FRMD3: variants seen among roughly 807,000 people sequenced by gnomAD.
The protein encoded by FRMD3 is FERM domain containing 3, also known as FERM domain-containing protein 3.
A neutral mutation model predicts 70.2 loss-of-function variants in FRMD3; 33 were observed. The observed-to-expected ratio is 0.47, with a 90% CI of 0.36 to 0.63. The LOEUF is 0.63. Ranked by LOEUF, FRMD3 falls within the 20% of genes least tolerant of loss-of-function variation. FRMD3 has a pLI of 0.00. For synonymous variants in FRMD3, 279 were observed against 255.9 expected, an observed-to-expected ratio of 1.09 and a Z score of -0.86; for missense variants, 632 against 711.4, an observed-to-expected ratio of 0.89 and a Z score of 1.27.
intron 1 of FRMD3, among the ~76,000 whole-genome samples, chr9:83,434,900 C>A (rs968261037): frequency 1.4e-5 from 2 of 145,136 alleles, no homozygotes; most frequent in Non-Finnish European, 3.0e-5. Context: ...GATCTCGGCT[C>A]ACTGCAGCCT....
intron 10 of FRMD3, among the ~76,000 whole-genome samples, chr9:83,305,874 C>T (rs1835111796): frequency 6.6e-6 from 1 of 152,202 alleles, no homozygotes. Flanking sequence ...CTAAACCCTC[C>T]AAGTCTTCTG....
intron 13 of FRMD3, among the ~76,000 whole-genome samples, chr9:83,264,503 A>G (rs1420656156): frequency 6.6e-6 from 1 of 152,198 alleles, no homozygotes; most frequent in Admixed American, 6.5e-5. Flanking sequence ...AAGTGTAACA[A>G]ATGTACTTCT....
At chr9:83,348,544 G>T (rs1457621999) in intron 4 of FRMD3, among the ~76,000 whole-genome samples, 1 of 152,116 alleles carries the variant, frequency 6.6e-6, no homozygotes, top group Non-Finnish European at 1.5e-5. Flanking sequence ...GAATTAGATG[G>T]TGGGGAGGGT....
chr9:83,538,769 C>A (rs1190216483), upstream of FRMD3, among the ~76,000 whole-genome samples: 1 of 152,158 alleles, frequency 6.6e-6, no homozygotes, highest in Non-Finnish European at 1.5e-5. This position sits in a 1 kb window ranked among gnomAD's most constrained non-coding sequence, Gnocchi z 4.7. Context: ...CCAACGCGCT[C>A]GACAGCGCCC....
At chr9:83,490,225 T>C in intron 1 of FRMD3, among the ~76,000 whole-genome samples, 1 of 152,172 alleles carries the variant, frequency 6.6e-6, no homozygotes, top group East Asian at 1.9e-4. Flanking sequence ...CTGGGGATGG[T>C]TGCAATGGAA....
chr9:83,434,819 C>CCCTTTTT (rs1827086409), intron 1 of FRMD3, among the ~76,000 whole-genome samples: 1 of 74,878 alleles, frequency 1.3e-5, no homozygotes, highest in Non-Finnish European at 2.3e-5. Context: ...CACCCCTCTG[C>CCCTTTTT]TTTTTTTTTT....
chr9:83,382,533 G>T (rs1446291398), intron 2 of FRMD3, among the ~76,000 whole-genome samples: 1 of 152,192 alleles, frequency 6.6e-6, no homozygotes, highest in Non-Finnish European at 1.5e-5. Flanking sequence ...CAACCAGCAG[G>T]TGGCAGAGAT....
At chr9:83,488,305 T>C (rs75361735) in intron 1 of FRMD3, among the ~76,000 whole-genome samples, 5,941 of 152,310 alleles carry the variant, frequency 0.039, 171 homozygotes, top group Middle Eastern at 0.082. Context: ...AGGACAAAAA[T>C]ATAAGCATTT....
chr9:83,335,674 G>T (rs775033024), intron 5 of FRMD3, 35 bp from the exon 6 acceptor site: 1 of 1,597,254 alleles, frequency 6.3e-7, no homozygotes, highest in Middle Eastern at 1.7e-4. Context: ...GACAGAGAAA[G>T]ATTAAAAACA....
At chr9:83,464,180 G>A (rs749302341) in intron 1 of FRMD3, among the ~76,000 whole-genome samples, 17 of 152,202 alleles carry the variant, frequency 1.1e-4, no homozygotes, top group Non-Finnish European at 1.9e-4. Context: ...TGTTAATGCT[G>A]ACGGTAAGCC....
At chr9:83,529,291 T>C (rs1440717251) in intron 1 of FRMD3, among the ~76,000 whole-genome samples, 1 of 152,210 alleles carries the variant, frequency 6.6e-6, no homozygotes, top group Non-Finnish European at 1.5e-5. Flanking sequence ...AAGGATAAAG[T>C]TAGACCCCTA....
intron 1 of FRMD3, among the ~76,000 whole-genome samples, chr9:83,461,849 A>G (rs1280953679): frequency 4.0e-5 from 6 of 151,650 alleles, no homozygotes; most frequent in Non-Finnish European, 8.8e-5. Flanking sequence ...CACCACACCC[A>G]GCTAATTTTT....
chr9:83,455,392 A>G (rs915880532), intron 1 of FRMD3, among the ~76,000 whole-genome samples: 1 of 152,152 alleles, frequency 6.6e-6, no homozygotes, highest in South Asian at 2.1e-4. Context: ...TAATTGAATC[A>G]TGGGGGCTGG....
chr9:83,259,779 C>G (rs927812491), intron 13 of FRMD3, among the ~76,000 whole-genome samples: 4 of 152,032 alleles, frequency 2.6e-5, no homozygotes, highest in Admixed American at 6.6e-5. Flanking sequence ...CTAACCAGAC[C>G]CATTCCTCCT....
chr9:83,549,000 A>G, the FRMD3 span, among the ~76,000 whole-genome samples: 2 of 143,400 alleles, frequency 1.4e-5, no homozygotes, highest in Admixed American at 1.4e-4. Flanking sequence ...TGAAAGTTAC[A>G]TAGATAATCA....
At chr9:83,418,642 T>G (rs1826527621) in intron 1 of FRMD3, among the ~76,000 whole-genome samples, 1 of 151,986 alleles carries the variant, frequency 6.6e-6, no homozygotes. Flanking sequence ...GATCTTGGTG[T>G]GAATATGGGG....
intron 1 of FRMD3, among the ~76,000 whole-genome samples, chr9:83,475,774 C>T (rs1226101735): frequency 6.6e-6 from 1 of 152,184 alleles, no homozygotes; most frequent in African/African-American, 2.4e-5. Flanking sequence ...ACTACGTTTA[C>T]ATGCTGCTAT....
Position 83,246,900 on chromosome 9 carries a change from A to G in FRMD3, c.*1018T>C. Reference sequence around the variant, plus strand: ...TAAAATAGACCATTCGCCTGTCACCATTTGCCTGCCAGCCTCACCAGAACT... The same window carrying G: ...TAAAATAGACCATTCGCCTGTCACCGTTTGCCTGCCAGCCTCACCAGAACT... On this transcript the variant is annotated 3_prime_UTR_variant, in exon 14 of 14. Coordinates refer to ENST00000304195, the MANE Select transcript of FRMD3 (RefSeq NM_174938.6). 1.0e-6 allele frequency: 1 copy of G among 985,272 alleles called. No homozygotes were observed. 61.0% of individuals were successfully genotyped at this position (985,272 alleles called of 1,614,324 possible).
the FRMD3 span, among the ~76,000 whole-genome samples, chr9:83,552,919 TTTA>T: frequency 6.6e-6 from 1 of 152,056 alleles, no homozygotes; most frequent in Non-Finnish European, 1.5e-5. Flanking sequence ...ATCTTGCTTT[TTTA>T]TTATTATTAT....
Sources: allele counts gnomAD v4.1 joint callset (sites outside exome capture counted in the v4.1 genomes callset), GRCh38; gene constraint gnomAD v4.1.1; non-coding constraint Gnocchi (gnomAD v3.1); transcripts MANE v1.5; gene names NCBI Gene and HGNC (gene_info 2026-07-23, HGNC 2026-07-21).